The following AFF2 variants were observed in gnomAD, a reference collection of about 807,000 sequenced individuals.
AFF2 encodes the protein ALF transcription elongation factor 2, also known as AF4/FMR2 family member 2.
AFF2 carries 14 observed loss-of-function variants against 76.9 expected under a neutral mutation model. The observed-to-expected ratio is 0.18, with a 90% CI of 0.12 to 0.28. The LOEUF is 0.28. Ranked by LOEUF, AFF2 falls within the 10% of genes least tolerant of loss-of-function variation. The pLI is 1.00. For missense variants in AFF2, 868 were observed against 1,001.1 expected (o/e 0.87, Z 1.79); for synonymous variants, 398 against 366.7 (o/e 1.09, Z -0.98).
At position 148,785,748 on chromosome X, in the gene AFF2, A is replaced by G. The variant is rs913474543; in HGVS notation, c.1042-24128A>G. On this transcript the variant is annotated intron_variant, in intron 3 of 20. Coordinates refer to ENST00000370460, the MANE Select transcript of AFF2 (RefSeq NM_002025.4). ...GCTATAAGGAAGGCAGGTCAGCTGT[A>G]AAAAATTAATTAGCACTGGCTTGGA... 3.6e-5 allele frequency among the ~76,000 whole-genome samples: 4 copies of G among 112,356 alleles called. No individual in the cohort carries two copies. In the South Asian group the frequency reaches 1.5e-3, roughly 41 times the overall value.
chrX:148,684,856 C>G (rs1319503434), intron 3 of AFF2, among the ~76,000 whole-genome samples: 1 of 112,171 alleles, frequency 8.9e-6, no homozygotes, highest in Non-Finnish European at 1.9e-5. Flanking sequence ...ACTAACATTG[C>G]CATATTTTAA....
intron 8 of AFF2, among the ~76,000 whole-genome samples, chrX:148,892,690 C>G (rs2071237387): frequency 8.9e-6 from 1 of 112,042 alleles, no homozygotes. Context: ...ATGAATTTTA[C>G]TCCTGCTATC....
intron 3 of AFF2, among the ~76,000 whole-genome samples, chrX:148,783,391 A>G (rs908803941): frequency 8.9e-6 from 1 of 111,844 alleles, no homozygotes; most frequent in Non-Finnish European, 1.9e-5. Context: ...GTTACTTAAC[A>G]TAGCAAATCA....
intron 3 of AFF2, among the ~76,000 whole-genome samples, chrX:148,785,978 A>G (rs1603300583): frequency 8.9e-6 from 1 of 111,746 alleles, no homozygotes. Context: ...CTGTCCCAGC[A>G]AGGTGCCCAA....
chrX:148,781,087 C>A (rs1443391731), intron 3 of AFF2, among the ~76,000 whole-genome samples: 1 of 112,131 alleles, frequency 8.9e-6, no homozygotes, highest in African/African-American at 3.2e-5. Context: ...GGCTTCAGAA[C>A]AGCAAAGATT....
intron 1 of AFF2, among the ~76,000 whole-genome samples, chrX:148,502,970 T>A (rs1557232059): frequency 8.9e-6 from 1 of 112,892 alleles, no homozygotes; most frequent in African/African-American, 3.2e-5. Flanking sequence ...CTTTTTCTTA[T>A]CTTAAGGAAA....
chrX:148,725,339 G>C, intron 3 of AFF2, among the ~76,000 whole-genome samples: 1 of 110,897 alleles, frequency 9.0e-6, no homozygotes, highest in East Asian at 2.9e-4. Context: ...GAGGTGGAGT[G>C]GGTTCTGGGA....
rs2072568148 is a variant in AFF2 at position 148,994,270 on chromosome X, G to A, written c.*2938G>A. 1 of 112,117 alleles carries A rather than the reference G, an allele frequency of 8.9e-6. No homozygotes were observed. The highest frequency in any genetic ancestry group is 2.8e-4 in the East Asian group (1 of 3,570). The allele number at this position is 112,117 out of a possible 1,213,427, so 9.2% of individuals were successfully genotyped here. A position where few individuals can be genotyped will look rare whatever the true frequency, so the allele number is the denominator to read the frequency against. ...AGAGAGTTTGACAAGTTTGTGTTAT[G>A]ATGTTGGCTTGGCTTTGTATTTTTA... On this transcript the variant is annotated 3_prime_UTR_variant, in exon 21 of 21. Transcript: ENST00000370460.
rs1401906417 is a variant in AFF2, at chrX:148,746,223, T to A, written c.1042-63653T>A. Among the ~76,000 whole-genome samples the A allele has an allele frequency of 2.7e-5, 3 of 112,301 alleles. No homozygotes were observed. In the Admixed American group the frequency reaches 2.8e-4, roughly 11 times the overall value. On this transcript the variant is annotated intron_variant, in intron 3 of 20. Coordinates refer to ENST00000370460, the MANE Select transcript of AFF2 (RefSeq NM_002025.4). ...ATAGTCTTCTACTTACATATATTCT[T>A]AATTAATCTTGAAACCCTGACAGGC...
intron 1 of AFF2, among the ~76,000 whole-genome samples, chrX:148,612,690 G>T (rs1282449275): frequency 8.9e-6 from 1 of 111,959 alleles, no homozygotes; most frequent in Non-Finnish European, 1.9e-5. Context: ...CAACATGCTA[G>T]CTAAGGCCAG....
chrX:148,662,564 C>T lies in AFF2; in HGVS notation c.837C>T (p.Ser279=). The T allele has an allele frequency of 8.3e-7, 1 of 1,211,595 alleles. No individual in the cohort carries two copies. The highest frequency in any genetic ancestry group is 1.1e-6 in the Non-Finnish European group (1 of 895,451). ...NFPPGLYCKT[S]MGQQKPTAYV... ...CACCAGGGCTTTACTGCAAAACAAGCATGGGGCAGCAAAAGCCAACTGCAT... is the reference window on the plus strand; with the variant it reads ...CACCAGGGCTTTACTGCAAAACAAGTATGGGGCAGCAAAAGCCAACTGCAT... The change falls in exon 3 of 21, where the codon AGC becomes AGT. Residue 279 remains serine, a synonymous_variant. Transcript: ENST00000370460.
chrX:148,827,156 A>G (rs1462956336), intron 4 of AFF2, among the ~76,000 whole-genome samples: 1 of 111,287 alleles, frequency 9.0e-6, no homozygotes, highest in Non-Finnish European at 1.9e-5. Context: ...TTTCAGCTGT[A>G]TTAGCGGCCT....
chrX:148,706,574 C>T (rs1557262413), intron 3 of AFF2, among the ~76,000 whole-genome samples: 1 of 112,451 alleles, frequency 8.9e-6, no homozygotes, highest in Non-Finnish European at 1.9e-5. Flanking sequence ...ATTCCTTTTC[C>T]AGATCAAGAA....
At chrX:148,669,517 T>C (rs1020417903) in intron 3 of AFF2, among the ~76,000 whole-genome samples, 5 of 111,785 alleles carry the variant, frequency 4.5e-5, no homozygotes, top group Admixed American at 2.8e-4. Context: ...ATTGTAGCAG[T>C]AAGTTAAAGA....
intron 11 of AFF2, 50 bp downstream of exon 11, chrX:148,956,663 G>A: frequency 1.8e-6 from 2 of 1,109,589 alleles, no homozygotes; most frequent in South Asian, 4.3e-5. Flanking sequence ...GTGTCTGTTT[G>A]TTGTCTAACT....
chrX:148,660,299 C>T (rs1470101551), intron 2 of AFF2, among the ~76,000 whole-genome samples: 3 of 111,344 alleles, frequency 2.7e-5, no homozygotes, highest in African/African-American at 6.5e-5. Flanking sequence ...TTCTTGGTAT[C>T]GTTTGCTGGT....
At chrX:148,741,079 G>A (rs988568368) in intron 3 of AFF2, among the ~76,000 whole-genome samples, 2 of 111,694 alleles carry the variant, frequency 1.8e-5, no homozygotes, top group African/African-American at 6.5e-5. Context: ...CTCTGTGAGG[G>A]CCCTTAGCTT....
chrX:148,532,604 G>A (rs1336735286), intron 1 of AFF2, among the ~76,000 whole-genome samples: 2 of 112,460 alleles, frequency 1.8e-5, no homozygotes, highest in South Asian at 3.7e-4. Context: ...ATCACTTGGA[G>A]AGATGTAGTT....
intron 8 of AFF2, among the ~76,000 whole-genome samples, chrX:148,890,752 C>G (rs191696827): frequency 2.4e-4 from 27 of 112,066 alleles, no homozygotes; most frequent in African/African-American, 8.7e-4. Context: ...CTTACCTTCT[C>G]TTTCTGAGCT....
Sources: gnomAD v4.1 joint callset for allele counts (sites outside exome capture counted in the v4.1 genomes callset) on GRCh38, gnomAD v4.1.1 for gene constraint, MANE v1.5 for transcripts, NCBI Gene and HGNC (gene_info 2026-07-23, HGNC 2026-07-21) for gene names.